The following ZNF292 variants were observed in gnomAD, a reference collection of about 807,000 sequenced individuals.
ZNF292 encodes zinc finger protein 292, also known as 16 zinc-finger domain protein.
Under a neutral mutation model 217.9 loss-of-function variants are expected in ZNF292, and 26 were observed. The observed-to-expected ratio is 0.12, with a 90% CI of 0.09 to 0.17. The LOEUF is 0.17. Ranked by LOEUF, ZNF292 falls within the 10% of genes least tolerant of loss-of-function variation. ZNF292 has a pLI of 1.00. For synonymous variants in ZNF292, 1,257 were observed against 1,124.1 expected (o/e 1.12, Z -2.37); for missense variants, 2,904 against 3,175.2 (o/e 0.91, Z 2.05).
chr6:87,253,864 T>G (rs1336538895), intron 7 of ZNF292, among the ~76,000 whole-genome samples: 1 of 152,232 alleles, frequency 6.6e-6, no homozygotes, highest in Non-Finnish European at 1.5e-5. Context: ...CATTGTTCCC[T>G]TCTGGTCTTT....
intron 1 of ZNF292, among the ~76,000 whole-genome samples, chr6:87,177,009 T>C (rs1445733736): frequency 1.4e-4 from 21 of 147,658 alleles, no homozygotes; most frequent in African/African-American, 3.8e-4. Flanking sequence ...GGCCCCCCAC[T>C]CCTCCCCACA....
At chr6:87,167,358 A>C (rs1317750024) in intron 1 of ZNF292, among the ~76,000 whole-genome samples, 1 of 152,120 alleles carries the variant, frequency 6.6e-6, no homozygotes, top group African/African-American at 2.4e-5. Context: ...CTTCTGTTTT[A>C]GGCCAGGTGC....
chr6:87,168,390 A>G (rs1234217941), intron 1 of ZNF292, among the ~76,000 whole-genome samples: 1 of 152,252 alleles, frequency 6.6e-6, no homozygotes, highest in African/African-American at 2.4e-5. Context: ...ATAAAATTTC[A>G]AATACCTGGA....
At chr6:87,190,737 A>T (rs1771798868) in intron 1 of ZNF292, among the ~76,000 whole-genome samples, 1 of 152,006 alleles carries the variant, frequency 6.6e-6, no homozygotes, top group Admixed American at 6.6e-5. Context: ...GCCTCCCAGG[A>T]TATGTATTTT....
intron 4 of ZNF292, among the ~76,000 whole-genome samples, chr6:87,218,969 CAG>C (rs1338771479): frequency 6.6e-6 from 1 of 152,084 alleles, no homozygotes; most frequent in African/African-American, 2.4e-5. Context: ...ATCTTTTTAA[CAG>C]AGGAATTCCT....
At position 87,258,712 on chromosome 6, in the gene ZNF292, A is replaced by G; in HGVS notation, c.5083A>G (p.Asn1695Asp). 6.2e-7 allele frequency: 1 copy of G among 1,613,254 alleles called. No homozygotes were observed. Among genetic ancestry groups the G allele is most frequent in the Non-Finnish European group, 8.5e-7 (1 of 1,179,516 alleles). ...AACACAGAAATTAAATAATGTTAAC[A>G]ATCAGTTATTTATGACTGATGTAAA... ...NLTQKLNNVN[N>D]QLFMTDVKEN... The change falls in exon 8 of 8, where the codon AAT (asparagine) becomes GAT (aspartate). Residue 1695 changes from asparagine (N) to aspartate (D), a missense_variant. Physicochemically the swap from Asn to Asp is conservative, Grantham distance 23. Around this residue, in one of 15 missense-constraint regions of ZNF292, gnomAD observed 622 missense variants for 573.1 expected, o/e 1.09. Coordinates refer to ENST00000369577, the MANE Select transcript of ZNF292 (RefSeq NM_015021.3).
At chr6:87,191,335 T>A (rs1771815251) in intron 1 of ZNF292, among the ~76,000 whole-genome samples, 1 of 152,136 alleles carries the variant, frequency 6.6e-6, no homozygotes, top group Non-Finnish European at 1.5e-5. Context: ...ATTTACAAAT[T>A]TCTGTTGGGC....
chr6:87,201,798 CT>C (rs1163517585), intron 1 of ZNF292, among the ~76,000 whole-genome samples: 2 of 152,168 alleles, frequency 1.3e-5, no homozygotes, highest in Non-Finnish European at 2.9e-5. Context: ...TATAATTTTT[CT>C]TTCCTGTTTA....
At chr6:87,171,000 G>A (rs1016181949) in intron 1 of ZNF292, among the ~76,000 whole-genome samples, 2 of 152,128 alleles carry the variant, frequency 1.3e-5, no homozygotes, top group African/African-American at 4.8e-5. Context: ...TGTATGATAT[G>A]ACCTAGCATA....
At chr6:87,249,421 C>T (rs1361441572) in intron 7 of ZNF292, 2 of 322,664 alleles carry the variant, frequency 6.2e-6, no homozygotes, top group East Asian at 1.1e-4. Flanking sequence ...AGCCACCACA[C>T]ATGACCTTCG....
chr6:87,253,907 C>G (rs564330975), intron 7 of ZNF292, among the ~76,000 whole-genome samples: 1 of 152,262 alleles, frequency 6.6e-6, no homozygotes, highest in East Asian at 1.9e-4. Context: ...CTCCATGTGT[C>G]TTTCAAATGA....
chr6:87,229,732 C>T (rs1279212891), intron 4 of ZNF292, among the ~76,000 whole-genome samples: 2 of 152,136 alleles, frequency 1.3e-5, no homozygotes, highest in Non-Finnish European at 2.9e-5. Context: ...AGCCTAATTG[C>T]TGAATTATTT....
intron 5 of ZNF292, among the ~76,000 whole-genome samples, chr6:87,234,473 C>T (rs572133816): frequency 3.3e-5 from 5 of 151,574 alleles, no homozygotes; most frequent in Admixed American, 6.6e-5. Flanking sequence ...GCAGGAGAAT[C>T]GTTTGAACCT....
chr6:87,238,936 G>A (rs1467431617), intron 5 of ZNF292, among the ~76,000 whole-genome samples: 8 of 152,016 alleles, frequency 5.3e-5, no homozygotes, highest in African/African-American at 9.7e-5. Flanking sequence ...ATCTTGCACC[G>A]CCCTTAATCC....
At chr6:87,222,821 C>T (rs1346475051) in intron 4 of ZNF292, 2 of 453,034 alleles carry the variant, frequency 4.4e-6, no homozygotes, top group African/African-American at 2.0e-5. Context: ...TTCTTAGGCT[C>T]CTCTTGGCTG....
chr6:87,166,293 G>A (rs1238010004), intron 1 of ZNF292, among the ~76,000 whole-genome samples: 1 of 152,086 alleles, frequency 6.6e-6, no homozygotes, highest in East Asian at 1.9e-4. Flanking sequence ...CTGCCTTTGT[G>A]ACTGCTTAGA....
At chr6:87,159,221 T>C (rs1562115238) in intron 1 of ZNF292, among the ~76,000 whole-genome samples, 1 of 152,180 alleles carries the variant, frequency 6.6e-6, no homozygotes, top group Non-Finnish European at 1.5e-5. Flanking sequence ...TTTTTCTTAT[T>C]AACAGTGTTG....
At chr6:87,174,971 A>G (rs757185051) in intron 1 of ZNF292, among the ~76,000 whole-genome samples, 3 of 152,176 alleles carry the variant, frequency 2.0e-5, no homozygotes, top group Admixed American at 6.5e-5. Flanking sequence ...CTTCCTGGGA[A>G]ACCTAAGGAA....
intron 5 of ZNF292, among the ~76,000 whole-genome samples, 192 bp from the exon 6 acceptor site, chr6:87,243,280 GTTT>G (rs58565257): frequency 3.7e-5 from 5 of 136,218 alleles, no homozygotes; most frequent in Admixed American, 7.3e-5. Context: ...ATAAAGAAAG[GTTT>G]TTTTTTTTTT....
Sources: gnomAD v4.1 joint callset for allele counts (sites outside exome capture counted in the v4.1 genomes callset) on GRCh38, gnomAD v4.1.1 for gene constraint, gnomAD v4.1.1 regional missense constraint, MANE v1.5 for transcripts, NCBI Gene and HGNC (gene_info 2026-07-23, HGNC 2026-07-21) for gene names.